The following IMMP2L variants were observed in gnomAD, a reference collection of about 807,000 sequenced individuals.
IMMP2L encodes inner mitochondrial membrane peptidase subunit 2.
IMMP2L carries 18 observed loss-of-function variants against 19.3 expected under a neutral mutation model. That is an observed-to-expected ratio of 0.93 (90% CI 0.64 to 1.38). The LOEUF is 1.38. IMMP2L is among the 40% of genes most tolerant of loss of function. The pLI is 0.00. For missense variants in IMMP2L, 233 were observed against 218.2 expected (o/e 1.07, Z -0.43); for synonymous variants, 76 against 73.0 (o/e 1.04, Z -0.21).
In IMMP2L at chr7:111,316,968, G is replaced by C. The variant is rs966475017; in HGVS notation, c.239+170270C>G. On this transcript the variant is annotated intron_variant, in intron 3 of 5. Coordinates refer to ENST00000405709, the MANE Select transcript of IMMP2L (RefSeq NM_032549.4). ...GAGTTCAAGTGATTCTCCTGCCTCA[G>C]TCTCTCAAGTAGCTGGGATTACAGG... Among the ~76,000 whole-genome samples the C allele has an allele frequency of 3.4e-5, 5 of 147,926 alleles. No homozygotes were observed. In the South Asian group the frequency reaches 6.4e-4, roughly 19 times the overall value.
chr7:110,859,624 T>G (rs1807170394), intron 5 of IMMP2L, among the ~76,000 whole-genome samples: 1 of 151,656 alleles, frequency 6.6e-6, no homozygotes, highest in Non-Finnish European at 1.5e-5. Context: ...GTACCTGCAG[T>G]CTCAGACACT....
intron 5 of IMMP2L, among the ~76,000 whole-genome samples, chr7:110,782,475 G>T (rs1444011285): frequency 6.6e-6 from 1 of 151,832 alleles, no homozygotes; most frequent in East Asian, 1.9e-4. Context: ...TGGTAGAGGT[G>T]GGGGACAGAT....
chr7:111,303,044 T>C (rs1328844485), intron 3 of IMMP2L, among the ~76,000 whole-genome samples: 6 of 152,038 alleles, frequency 3.9e-5, no homozygotes, highest in Admixed American at 2.6e-4. Context: ...GAAAGCAAAA[T>C]ATGGCCTCAT....
intron 5 of IMMP2L, among the ~76,000 whole-genome samples, chr7:110,868,673 T>C (rs1317245112): frequency 6.6e-6 from 1 of 152,092 alleles, no homozygotes; most frequent in African/African-American, 2.4e-5. Flanking sequence ...TGGGCAGGCA[T>C]TGCTCTGTTT....
intron 3 of IMMP2L, among the ~76,000 whole-genome samples, chr7:111,322,130 A>C (rs1010067768): frequency 2.6e-5 from 4 of 151,970 alleles, no homozygotes; most frequent in Non-Finnish European, 4.4e-5. Context: ...AATTAATGTA[A>C]GATAACAGCT....
intron 3 of IMMP2L, among the ~76,000 whole-genome samples, chr7:111,360,989 TC>T (rs1369413894): frequency 6.6e-5 from 10 of 152,058 alleles, no homozygotes; most frequent in Admixed American, 3.3e-4. Flanking sequence ...AATCTTAATT[TC>T]CAATATGCTA....
chr7:110,699,554 T>C (rs1410917842), intron 5 of IMMP2L, among the ~76,000 whole-genome samples: 1 of 152,104 alleles, frequency 6.6e-6, no homozygotes, highest in Non-Finnish European at 1.5e-5. Context: ...GCGGATCATC[T>C]GAGGTCAGGA....
chr7:111,482,479 C>T (rs771810359), intron 3 of IMMP2L, among the ~76,000 whole-genome samples: 23 of 152,206 alleles, frequency 1.5e-4, no homozygotes, highest in South Asian at 2.1e-4. Flanking sequence ...CCCCCATCGT[C>T]CTTCCTTTCT....
chr7:110,979,967 T>A (rs1374149138), intron 3 of IMMP2L, among the ~76,000 whole-genome samples: 1 of 152,136 alleles, frequency 6.6e-6, no homozygotes, highest in African/African-American at 2.4e-5. Flanking sequence ...AAAAGATCCA[T>A]TAGACAAAAA....
intron 3 of IMMP2L, among the ~76,000 whole-genome samples, chr7:111,262,558 C>T (rs762198142): frequency 2.0e-5 from 3 of 152,078 alleles, no homozygotes; most frequent in Non-Finnish European, 2.9e-5. Context: ...AATACACTAA[C>T]AGTATTTATC....
At chr7:111,467,364 T>C (rs1409964439) in intron 3 of IMMP2L, among the ~76,000 whole-genome samples, 1 of 152,242 alleles carries the variant, frequency 6.6e-6, no homozygotes, top group African/African-American at 2.4e-5. Flanking sequence ...CAATTCTATA[T>C]ACAGTCCAGA....
chr7:111,405,528 T>C (rs1833831377), intron 3 of IMMP2L, among the ~76,000 whole-genome samples: 1 of 152,148 alleles, frequency 6.6e-6, no homozygotes, highest in Non-Finnish European at 1.5e-5. Flanking sequence ...AGAGAAACAA[T>C]ATGTGTAAGA....
At chr7:110,761,329 G>A (rs1315941556) in intron 5 of IMMP2L, among the ~76,000 whole-genome samples, 1 of 152,082 alleles carries the variant, frequency 6.6e-6, no homozygotes, top group Non-Finnish European at 1.5e-5. Flanking sequence ...AGCAAACAAA[G>A]CTTTCCAATG....
chr7:111,466,695 C>T (rs991011230), intron 3 of IMMP2L, among the ~76,000 whole-genome samples: 1 of 152,082 alleles, frequency 6.6e-6, no homozygotes, highest in Non-Finnish European at 1.5e-5. Context: ...GTAGGCCATC[C>T]ATATCTGTGG....
chr7:111,217,813 T>C (rs1441412613), intron 3 of IMMP2L, among the ~76,000 whole-genome samples: 1 of 152,086 alleles, frequency 6.6e-6, no homozygotes, highest in Non-Finnish European at 1.5e-5. Context: ...ATGAAATAAC[T>C]ATCAATCATC....
In IMMP2L at chr7:110,924,533, T is replaced by C. The variant is rs529491787; in HGVS notation, c.306-37838A>G. On this transcript the variant is annotated intron_variant, in intron 4 of 5. Coordinates refer to ENST00000405709, the MANE Select transcript of IMMP2L (RefSeq NM_032549.4). The surrounding 1 kb of genome is among the most constrained non-coding windows in gnomAD (Gnocchi z 4.2). ...GGAACTGGGCAGGCCGGTTTTAATA[T>C]TAGATATTCTAATAATGTAAATAAA... is the stretch of plus-strand genomic sequence containing the variant. Among the ~76,000 whole-genome samples, 4 of 152,122 alleles carry C rather than the reference T, an allele frequency of 2.6e-5. No homozygotes were observed. Among genetic ancestry groups the C allele is most frequent in the Non-Finnish European group, 5.9e-5 (4 of 68,006 alleles).
intron 3 of IMMP2L, among the ~76,000 whole-genome samples, chr7:110,970,359 G>C (rs1820022364): frequency 6.6e-6 from 1 of 151,944 alleles, no homozygotes. Context: ...TCACCATCTA[G>C]AATAATTTGT....
intron 5 of IMMP2L, among the ~76,000 whole-genome samples, chr7:110,713,931 C>T (rs1795069125): frequency 1.3e-5 from 2 of 152,090 alleles, no homozygotes; most frequent in South Asian, 4.1e-4. Context: ...TTTCTTTTGC[C>T]TGATGGCTCT....
intron 5 of IMMP2L, among the ~76,000 whole-genome samples, chr7:110,737,947 A>G (rs918481058): frequency 6.6e-6 from 1 of 152,164 alleles, no homozygotes; most frequent in Non-Finnish European, 1.5e-5. Context: ...GGCTAGACCC[A>G]GAAGAGCAGA....
Sources: gnomAD v4.1 joint callset for allele counts (sites outside exome capture counted in the v4.1 genomes callset) on GRCh38, gnomAD v4.1.1 for gene constraint, Gnocchi (gnomAD v3.1) non-coding constraint, MANE v1.5 for transcripts, NCBI Gene and HGNC (gene_info 2026-07-23, HGNC 2026-07-21) for gene names.